RNF130: variants seen among roughly 807,000 people sequenced by gnomAD.
RNF130 encodes ring finger protein 130.
Under a neutral mutation model 44.6 loss-of-function variants are expected in RNF130, and 21 were observed. The observed-to-expected ratio is 0.47, with a 90% CI of 0.33 to 0.68. RNF130 has a LOEUF of 0.68. Among genes scored for constraint, RNF130 ranks in the 30% least tolerant of loss-of-function variants. The pLI, the probability that RNF130 is intolerant of heterozygous loss-of-function variation, is 0.02. For synonymous variants in RNF130, 214 were observed against 210.4 expected (o/e 1.02, Z -0.15); for missense variants, 479 against 560.6 (o/e 0.85, Z 1.47).
chr5:180,055,114 G>A (rs771687362), intron 1 of RNF130, among the ~76,000 whole-genome samples: 35 of 151,770 alleles, frequency 2.3e-4, no homozygotes, highest in African/African-American at 7.2e-4. Flanking sequence ...TGGCCAAGGC[G>A]GGCAGATCTC....
At position 180,036,221 on chromosome 5, in the gene RNF130, A is replaced by G. The variant is rs543947703; in HGVS notation, c.442+4232T>C. ...CTTTTGTTTAGTAACAGGCTGGGTT[A>G]AACACATGAAATCTATTTTCACTGT... On this transcript the variant is annotated intron_variant, in intron 2 of 8. Coordinates refer to ENST00000521389, the MANE Select transcript of RNF130 (RefSeq NM_018434.6). Among the ~76,000 whole-genome samples, 18 of 152,280 alleles carry G rather than the reference A, an allele frequency of 1.2e-4. 1 individual carries two copies. In the South Asian group the frequency reaches 3.5e-3, roughly 30 times the overall value.
chr5:180,043,464 G>C (rs1764475540), intron 1 of RNF130, among the ~76,000 whole-genome samples: 1 of 152,034 alleles, frequency 6.6e-6, no homozygotes, highest in Admixed American at 6.6e-5. Flanking sequence ...AAATATGTGA[G>C]CTACCCCACG....
chr5:180,057,849 C>A (rs937666221), intron 1 of RNF130, among the ~76,000 whole-genome samples: 7 of 152,122 alleles, frequency 4.6e-5, no homozygotes, highest in Non-Finnish European at 7.4e-5. Flanking sequence ...GTTACGGGAA[C>A]CTCCTGAATT....
chr5:180,017,859 G>T (rs1274480343), intron 2 of RNF130, among the ~76,000 whole-genome samples: 1 of 152,148 alleles, frequency 6.6e-6, no homozygotes, highest in African/African-American at 2.4e-5. Context: ...TAACCTCTTT[G>T]AACTTCAGTT....
At chr5:180,000,829 T>C (rs1323289534) in intron 3 of RNF130, among the ~76,000 whole-genome samples, 1 of 152,232 alleles carries the variant, frequency 6.6e-6, no homozygotes, top group Non-Finnish European at 1.5e-5. Context: ...CTCTCTGAGT[T>C]TCCATACGAT....
At chr5:180,018,795 T>C (rs982642403) in intron 2 of RNF130, among the ~76,000 whole-genome samples, 1 of 152,154 alleles carries the variant, frequency 6.6e-6, no homozygotes, top group African/African-American at 2.4e-5. Flanking sequence ...TATGCTTTAG[T>C]TTAGAAAGTG....
At chr5:180,012,127 G>A (rs1342502882) in intron 3 of RNF130, among the ~76,000 whole-genome samples, 1 of 152,160 alleles carries the variant, frequency 6.6e-6, no homozygotes, top group Non-Finnish European at 1.5e-5. Flanking sequence ...GTCCAACAGG[G>A]TGAGGGGTCA....
chr5:179,965,132 C>T (rs551581727), intron 7 of RNF130, among the ~76,000 whole-genome samples: 37 of 152,274 alleles, frequency 2.4e-4, no homozygotes, highest in African/African-American at 7.9e-4. Context: ...ATTTGCATGT[C>T]TTTGTGTGTG....
intron 7 of RNF130, among the ~76,000 whole-genome samples, chr5:179,926,830 C>CCCT (rs1761715076): frequency 6.6e-6 from 1 of 152,122 alleles, no homozygotes; most frequent in Non-Finnish European, 1.5e-5. Context: ...TGGGACTGAG[C>CCCT]CCTCACCCTG....
intron 7 of RNF130, among the ~76,000 whole-genome samples, chr5:179,923,387 T>C (rs248232): frequency 0.57 from 86,915 of 152,132 alleles, 27,695 homozygotes; most frequent in African/African-American, 0.84. Flanking sequence ...TATTCTGTTC[T>C]AGCAATCCAT....
intron 5 of RNF130, among the ~76,000 whole-genome samples, chr5:179,974,378 T>G (rs1055646083): frequency 7.9e-5 from 12 of 152,220 alleles, no homozygotes; most frequent in African/African-American, 2.2e-4. Context: ...TGACAGTTCC[T>G]CGGTTTCTAA....
intron 3 of RNF130, among the ~76,000 whole-genome samples, chr5:179,997,854 G>GT (rs1282117675): frequency 4.6e-5 from 7 of 151,550 alleles, no homozygotes; most frequent in Non-Finnish European, 8.8e-5. Flanking sequence ...GTTTTCACTT[G>GT]TTTTTTGAGA....
At chr5:180,017,767 G>A (rs763878817) in intron 2 of RNF130, among the ~76,000 whole-genome samples, 1 of 152,130 alleles carries the variant, frequency 6.6e-6, no homozygotes, top group Non-Finnish European at 1.5e-5. Context: ...AGTTTTGAGA[G>A]GCCAACAGAA....
chr5:180,055,670 C>CT (rs1406964326), intron 1 of RNF130, among the ~76,000 whole-genome samples: 13 of 152,198 alleles, frequency 8.5e-5, no homozygotes, highest in Non-Finnish European at 1.8e-4. Context: ...AAATGATCCA[C>CT]TTTTTACTAA....
chr5:179,994,936 G>T (rs895008868), intron 3 of RNF130, among the ~76,000 whole-genome samples: 6 of 152,166 alleles, frequency 3.9e-5, no homozygotes, highest in African/African-American at 1.4e-4. Context: ...AAGCTCAGTG[G>T]TTTGGGTCTT....
At chr5:180,028,461 C>G (rs2113117939) in intron 2 of RNF130, among the ~76,000 whole-genome samples, 1 of 152,286 alleles carries the variant, frequency 6.6e-6, no homozygotes, top group South Asian at 2.1e-4. Flanking sequence ...GGTTCGTCTA[C>G]TGAGAGGATT....
At chr5:180,012,073 T>C (rs900136246) in intron 3 of RNF130, among the ~76,000 whole-genome samples, 6 of 152,192 alleles carry the variant, frequency 3.9e-5, no homozygotes, top group African/African-American at 1.4e-4. Context: ...GGGTGTTTTA[T>C]ATCTACTTTC....
At chr5:179,965,289 C>T (rs528353137) in intron 7 of RNF130, among the ~76,000 whole-genome samples, 1 of 152,328 alleles carries the variant, frequency 6.6e-6, no homozygotes, top group East Asian at 1.9e-4. Context: ...GTGCCTGGCA[C>T]ACAGTGGGTG....
At position 179,982,646 on chromosome 5, in the gene RNF130, G is replaced by C. The variant is rs372122855; in HGVS notation, c.694-2446C>G. Among the ~76,000 whole-genome samples, 5 of 152,118 alleles carry C rather than the reference G, an allele frequency of 3.3e-5. No individual in the cohort carries two copies. The East Asian group carries it at 9.6e-4, about 29-fold the overall frequency. On this transcript the variant is annotated intron_variant, in intron 3 of 8. Transcript: ENST00000521389. ...ACTGGAGTACAGTGGTGCAAACACG[G>C]CTCACTGTAGCCTTGACCTCTGGGG...
Sources: gnomAD v4.1 joint callset for allele counts (sites outside exome capture counted in the v4.1 genomes callset) on GRCh38, gnomAD v4.1.1 for gene constraint, MANE v1.5 for transcripts, NCBI Gene and HGNC (gene_info 2026-07-23, HGNC 2026-07-21) for gene names.